ROCK2: variants seen among roughly 807,000 people sequenced by gnomAD.
ROCK2 encodes Rho associated coiled-coil containing protein kinase 2.
ROCK2 carries 61 observed loss-of-function variants against 195.1 expected under a neutral mutation model. The ratio of observed to expected loss-of-function variants is 0.31; its 90% CI spans 0.25 to 0.39. The LOEUF is 0.39. Ranked by LOEUF, ROCK2 falls within the 10% of genes least tolerant of loss-of-function variation. The probability of loss-of-function intolerance (pLI) is 1.00; values close to 1 mark genes in which losing one functional copy is unlikely to be tolerated. For synonymous variants in ROCK2, 504 were observed against 545.5 expected, an observed-to-expected ratio of 0.92 and a Z score of 1.06; for missense variants, 1,109 against 1,637.4, an observed-to-expected ratio of 0.68 and a Z score of 5.57.
chr2:11,341,501 T>C (rs1669104181), intron 1 of ROCK2, among the ~76,000 whole-genome samples: 1 of 152,240 alleles, frequency 6.6e-6, no homozygotes, highest in African/African-American at 2.4e-5. Context: ...CATAAAACTT[T>C]GTTTCCTACA....
chr2:11,300,284 C>T (rs544171780), intron 1 of ROCK2, among the ~76,000 whole-genome samples: 6 of 152,202 alleles, frequency 3.9e-5, no homozygotes, highest in African/African-American at 1.2e-4. Flanking sequence ...TTTTCTGAGA[C>T]GGAGTTTCGC....
intron 7 of ROCK2, among the ~76,000 whole-genome samples, chr2:11,222,950 C>T (rs1043130827): frequency 7.9e-5 from 12 of 152,070 alleles, no homozygotes; most frequent in Non-Finnish European, 1.8e-4. Flanking sequence ...TCATGAATAA[C>T]ACTCCTTTCA....
In ROCK2 at chr2:11,181,483, C is replaced by T. The variant is rs1220121901; in HGVS notation, c.*1954G>A. The T allele has an allele frequency of 6.6e-6, 1 of 151,900 alleles. No homozygotes were observed. Among genetic ancestry groups the T allele is most frequent in the Non-Finnish European group, 1.5e-5 (1 of 67,994 alleles). The allele number at this position is 151,900 out of a possible 1,614,324, so 9.4% of individuals were successfully genotyped here. ...CTGGAGAACGTTAAGAATAACAAAA[C>T]CAGTTTCAGTCTATCAGTAGGCCAG... On this transcript the variant is annotated 3_prime_UTR_variant, in exon 33 of 33. Transcript: ENST00000315872.
At chr2:11,224,545 TAA>T in intron 6 of ROCK2, 85 bp from the exon 7 acceptor site, 2 of 1,246,308 alleles carry the variant, frequency 1.6e-6, no homozygotes, top group South Asian at 2.6e-5. Flanking sequence ...ATGTTAAGTT[TAA>T]ATTTGTCACA....
intron 3 of ROCK2, among the ~76,000 whole-genome samples, chr2:11,252,088 T>C (rs1171355313): frequency 6.6e-6 from 1 of 152,020 alleles, no homozygotes; most frequent in Non-Finnish European, 1.5e-5. Context: ...TAAACCACTG[T>C]GGAAGACAGT....
chr2:11,215,349 G>T lies in ROCK2; in HGVS notation c.1661C>A (p.Thr554Asn). Reference protein sequence around the residue: ...KKRNQNSQISTEKVNQLQRQL... With the variant: ...KKRNQNSQISNEKVNQLQRQL... ...TCTCTGGAGTTGATTCACTTTCTCA[G>T]TGGATATTTGAGAGTTTTGATTTCT... The change falls in exon 15 of 33, where the codon ACT becomes AAT. Residue 554 changes from threonine (T) to asparagine (N), a missense_variant. Thr to Asn is a moderately conservative substitution (Grantham distance 65). This residue lies in a region of ROCK2 where 542 missense variants were observed against 672.0 expected (regional missense o/e 0.81). Coordinates refer to ENST00000315872, the MANE Select transcript of ROCK2 (RefSeq NM_004850.5). The T allele has an allele frequency of 6.2e-7, 1 of 1,606,088 alleles. No individual in the cohort carries two copies. The highest frequency in any genetic ancestry group is 1.1e-5 in the South Asian group (1 of 89,470).
At chr2:11,319,055 T>A (rs1668318962) in intron 1 of ROCK2, among the ~76,000 whole-genome samples, 1 of 152,208 alleles carries the variant, frequency 6.6e-6, no homozygotes, top group Non-Finnish European at 1.5e-5. Flanking sequence ...CCAGCTTTGT[T>A]CTTTTGGCTC....
intron 1 of ROCK2, among the ~76,000 whole-genome samples, chr2:11,324,814 A>G (rs1473167810): frequency 6.6e-6 from 1 of 152,242 alleles, no homozygotes; most frequent in Non-Finnish European, 1.5e-5. Flanking sequence ...TAACCGTAAT[A>G]GTACATCATA....
intron 3 of ROCK2, among the ~76,000 whole-genome samples, chr2:11,261,738 A>G (rs1666234572): frequency 6.6e-6 from 1 of 152,116 alleles, no homozygotes; most frequent in African/African-American, 2.4e-5. Flanking sequence ...AATCGCTTCA[A>G]CCCAGGAACC....
intron 18 of ROCK2, among the ~76,000 whole-genome samples, chr2:11,209,866 CTAA>C (rs1245611289): frequency 6.6e-6 from 1 of 152,276 alleles, no homozygotes; most frequent in South Asian, 2.1e-4. Context: ...CCATGTAGTA[CTAA>C]TAATAGCATT....
chr2:11,293,935 G>A (rs1187274029), intron 1 of ROCK2, among the ~76,000 whole-genome samples: 1 of 152,126 alleles, frequency 6.6e-6, no homozygotes, highest in African/African-American at 2.4e-5. Flanking sequence ...GAGGCGGGAG[G>A]ATCGTGAGGT....
intron 1 of ROCK2, among the ~76,000 whole-genome samples, chr2:11,330,709 G>A (rs1323249018): frequency 1.4e-5 from 2 of 138,712 alleles, no homozygotes; most frequent in Non-Finnish European, 3.1e-5. Flanking sequence ...GGGGAGGAAG[G>A]AGGAAGACAA....
chr2:11,337,464 G>C (rs1363230869), intron 1 of ROCK2, among the ~76,000 whole-genome samples: 2 of 152,038 alleles, frequency 1.3e-5, no homozygotes, highest in Admixed American at 6.5e-5. Context: ...TAAATGGCCC[G>C]TAAGTGCAAG....
Position 11,236,065 on chromosome 2 carries a change from C to T in ROCK2, c.463-103G>A, listed in dbSNP as rs1054443590. 15 of 1,086,046 alleles carry T rather than the reference C, an allele frequency of 1.4e-5. No individual in the cohort carries two copies. In the African/African-American group the frequency reaches 2.4e-4, roughly 17 times the overall value. The allele number at this position is 1,086,046 out of a possible 1,614,324, so 67.3% of individuals were successfully genotyped here. On this transcript the variant is annotated intron_variant, in intron 4 of 32. Transcript: ENST00000315872. ...TATTATTACTATTGAAAAAGGCAAA[C>T]TATTTTATAACCAAAACTAAAATTT...
At chr2:11,338,066 T>C (rs2148276689) in intron 1 of ROCK2, among the ~76,000 whole-genome samples, 1 of 152,264 alleles carries the variant, frequency 6.6e-6, no homozygotes, top group Non-Finnish European at 1.5e-5. Flanking sequence ...CAAAGTAGGC[T>C]GGGTGCAGTG....
chr2:11,282,447 A>C (rs188740990), intron 3 of ROCK2, among the ~76,000 whole-genome samples: 44 of 152,302 alleles, frequency 2.9e-4, no homozygotes, highest in African/African-American at 1.0e-3. Context: ...TAATCAAGAC[A>C]ATGTGATATT....
rs866511333 is a variant in ROCK2 at position 11,333,529 on chromosome 2, A to G, written c.141+10467T>C. On this transcript the variant is annotated intron_variant, in intron 1 of 32. Coordinates refer to ENST00000315872, the MANE Select transcript of ROCK2 (RefSeq NM_004850.5). Reference sequence around the variant, plus strand: ...AAAAAAAGCACCTGCATGTATTAGGAAAAAAAAAGAAATACTACAAACATG... The same window carrying G: ...AAAAAAAGCACCTGCATGTATTAGGGAAAAAAAAGAAATACTACAAACATG... Among the ~76,000 whole-genome samples the G allele has an allele frequency of 1.6e-4, 24 of 151,738 alleles. No homozygotes were observed. In the South Asian group the frequency reaches 1.7e-3, roughly 11 times the overall value.
chr2:11,339,158 A>G (rs1030438595), intron 1 of ROCK2, among the ~76,000 whole-genome samples: 1 of 152,208 alleles, frequency 6.6e-6, no homozygotes, highest in African/African-American at 2.4e-5. Flanking sequence ...CTTCTTAATT[A>G]AATACATACT....
rs773789965 is a variant in ROCK2 at position 11,227,304 on chromosome 2, C to T, written c.818G>A (p.Arg273Gln). Reference protein sequence around the residue: ...KSQGGDGFYGRECDWWSVGVF... With the variant: ...KSQGGDGFYGQECDWWSVGVF... ...ACCTACAGACCACCAATCACATTCT[C>T]GCCCATAGAAACCATCACCCCCTTG... is the stretch of plus-strand genomic sequence containing the variant. Residue 273 changes from arginine to glutamine, a missense_variant, in exon 6 of 33, where the codon CGA becomes CAA. Physicochemically the swap from Arg to Gln is conservative, Grantham distance 43. Coordinates refer to ENST00000315872, the MANE Select transcript of ROCK2 (RefSeq NM_004850.5). 2.3e-5 allele frequency: 37 copies of T among 1,613,806 alleles called. No individual in the cohort carries two copies. In the Admixed American group the frequency reaches 4.8e-4, roughly 21 times the overall value.
Sources: allele counts gnomAD v4.1 joint callset (sites outside exome capture counted in the v4.1 genomes callset), GRCh38; gene constraint gnomAD v4.1.1; regional missense constraint gnomAD v4.1.1; transcripts MANE v1.5; gene names NCBI Gene and HGNC (gene_info 2026-07-23, HGNC 2026-07-21).